C13orf46: variants seen among roughly 807,000 people sequenced by gnomAD.
The protein encoded by C13orf46 is chromosome 13 open reading frame 46.
the C13orf46 span, among the ~76,000 whole-genome samples, chr13:113,929,561 C>G: frequency 6.6e-6 from 1 of 152,234 alleles, no homozygotes; most frequent in Non-Finnish European, 1.5e-5. Flanking sequence ...TGGGCCAAGG[C>G]TGGACAGGGA....
At chr13:113,970,347 T>A (rs1021018321) in intron 1 of C13orf46, 125 bp from the exon 2 acceptor site, 2 of 152,346 alleles carry the variant, frequency 1.3e-5, no homozygotes, top group Non-Finnish European at 2.9e-5. Flanking sequence ...ACAGCTAACT[T>A]GAGTTTCTCC....
the C13orf46 span, among the ~76,000 whole-genome samples, chr13:113,948,330 T>C: frequency 6.6e-6 from 1 of 152,344 alleles, no homozygotes; most frequent in Non-Finnish European, 1.5e-5. Context: ...AAACTTCTAT[T>C]TATTGTTCTT....
At chr13:113,957,265 C>T (rs2052544426) in intron 6 of C13orf46, among the ~76,000 whole-genome samples, 1 of 146,712 alleles carries the variant, frequency 6.8e-6, no homozygotes, top group Non-Finnish European at 1.5e-5. Context: ...CTGCATGCAC[C>T]TCCTTTCATC....
At chr13:113,930,970 C>T in the C13orf46 span, among the ~76,000 whole-genome samples, 1 of 152,304 alleles carries the variant, frequency 6.6e-6, no homozygotes, top group East Asian at 1.9e-4. Flanking sequence ...CACAGAAAGC[C>T]CGTGGGTGGC....
At chr13:113,949,965 G>A (rs1282485399), downstream of C13orf46, among the ~76,000 whole-genome samples, 5 of 151,160 alleles carry the variant, frequency 3.3e-5, no homozygotes, top group Admixed American at 6.6e-5. Flanking sequence ...CCCCCACCTC[G>A]GGGACCTCAG....
chr13:113,940,049 G>A, the C13orf46 span, among the ~76,000 whole-genome samples: 2 of 152,206 alleles, frequency 1.3e-5, no homozygotes, highest in Non-Finnish European at 2.9e-5. Flanking sequence ...GGAGGCATTC[G>A]GGCCACCTCA....
the C13orf46 span, among the ~76,000 whole-genome samples, chr13:113,941,443 G>A: frequency 7.3e-6 from 1 of 137,880 alleles, no homozygotes; most frequent in South Asian, 2.6e-4. Context: ...CTCCATGTGT[G>A]AGGCTGAGCG....
At chr13:113,942,725 G>A in the C13orf46 span, among the ~76,000 whole-genome samples, 7 of 152,218 alleles carry the variant, frequency 4.6e-5, no homozygotes, top group Middle Eastern at 3.2e-3. Flanking sequence ...GGCAGGGCGC[G>A]GTAGGAACCC....
intron 6 of C13orf46, among the ~76,000 whole-genome samples, chr13:113,962,992 T>C (rs1238171513): frequency 6.6e-6 from 1 of 152,166 alleles, no homozygotes; most frequent in African/African-American, 2.4e-5. Flanking sequence ...CTCGAGGACT[T>C]TCTCTCTCCC....
downstream of C13orf46, among the ~76,000 whole-genome samples, chr13:113,948,824 T>C (rs2052479171): frequency 6.6e-6 from 1 of 152,238 alleles, no homozygotes; most frequent in East Asian, 1.9e-4. Flanking sequence ...TAATAAAAAA[T>C]ACATCTGGTC....
the C13orf46 span, among the ~76,000 whole-genome samples, chr13:113,931,052 C>T: frequency 4.6e-5 from 7 of 152,160 alleles, no homozygotes; most frequent in African/African-American, 7.2e-5. Context: ...CTTGTGTTCA[C>T]GTGTGTATTT....
intron 1 of C13orf46, among the ~76,000 whole-genome samples, chr13:113,973,454 T>C (rs887215206): frequency 9.2e-5 from 14 of 152,016 alleles, no homozygotes; most frequent in African/African-American, 3.4e-4. Context: ...CACGTGTAAA[T>C]TGTGTGTTCA....
chr13:113,941,661 C>A, the C13orf46 span, among the ~76,000 whole-genome samples: 1 of 152,212 alleles, frequency 6.6e-6, no homozygotes, highest in Non-Finnish European at 1.5e-5. Context: ...TGTTTCTCTG[C>A]CTGTCAGATG....
At chr13:113,938,793 G>A in the C13orf46 span, among the ~76,000 whole-genome samples, 1 of 152,074 alleles carries the variant, frequency 6.6e-6, no homozygotes, top group Non-Finnish European at 1.5e-5. Context: ...GCTCTTTCCT[G>A]TCTCCAGGTT....
At chr13:113,945,557 GAAAGAAAGAAAGAA>G in the C13orf46 span, among the ~76,000 whole-genome samples, 219 of 116,162 alleles carry the variant, frequency 1.9e-3, 3 homozygotes, top group Middle Eastern at 4.5e-3. Flanking sequence ...AAGAAAGAAA[GAAAGAAAGAAAGAA>G]AGAAAGAGAG....
chr13:113,938,656 C>T, the C13orf46 span, among the ~76,000 whole-genome samples: 1 of 152,214 alleles, frequency 6.6e-6, no homozygotes. Flanking sequence ...CCTGGGGGTT[C>T]AGCCTCCGAC....
chr13:113,931,711 C>G, the C13orf46 span, among the ~76,000 whole-genome samples: 1 of 152,184 alleles, frequency 6.6e-6, no homozygotes, highest in East Asian at 1.9e-4. Flanking sequence ...CCCTCAGAGA[C>G]CCATATTCTG....
the C13orf46 span, chr13:113,927,573 G>A: frequency 5.0e-6 from 2 of 398,696 alleles, no homozygotes; most frequent in Non-Finnish European, 4.4e-6. Context: ...CACTGATGGA[G>A]CGACCGTCTA....
rs1172413461 is a variant in C13orf46, at chr13:113,957,152, G to A, written c.573-313C>T. On this transcript the variant is annotated intron_variant, in intron 6 of 6. Coordinates refer to ENST00000636427, the MANE Select transcript of C13orf46 (RefSeq NM_001365455.2). Reference sequence around the variant, plus strand: ...ATCAAGCACACTGGGGGGTCTCCCCGCACCTCTGCATGCAACCCCTTTCAT... The same window carrying A: ...ATCAAGCACACTGGGGGGTCTCCCCACACCTCTGCATGCAACCCCTTTCAT... Among the ~76,000 whole-genome samples, 245 of 135,132 alleles carry A rather than the reference G, an allele frequency of 1.8e-3. 1 individual carries two copies. Among genetic ancestry groups the A allele is most frequent in the African/African-American group, 3.7e-3 (130 of 34,898 alleles). The allele number at this position is 135,132 out of a possible 152,430, so 88.7% of individuals were successfully genotyped here.
Sources: gnomAD v4.1 joint callset for allele counts (sites outside exome capture counted in the v4.1 genomes callset) on GRCh38, gnomAD v4.1.1 for gene constraint, MANE v1.5 for transcripts, NCBI Gene and HGNC (gene_info 2026-07-23, HGNC 2026-07-21) for gene names.